The following TMEM50B variants were observed in gnomAD, a reference collection of about 807,000 sequenced individuals.
TMEM50B encodes HCV p7-trans-regulated protein 3.
In TMEM50B, 14 loss-of-function variants were observed where a neutral mutation model predicts 23.4. The observed-to-expected ratio is 0.60, with a 90% CI of 0.39 to 0.93. The LOEUF (loss-of-function observed/expected upper bound fraction) is 0.93, where lower values mean the gene tolerates loss of function less well. Among genes scored for constraint, TMEM50B ranks in the 40% least tolerant of loss-of-function variants. TMEM50B has a pLI of 0.00. For missense variants in TMEM50B, 159 were observed against 193.0 expected (o/e 0.82, Z 1.04); for synonymous variants, 64 against 62.3 (o/e 1.03, Z -0.13).
intron 7 of TMEM50B, among the ~76,000 whole-genome samples, chr21:33,439,544 T>C (rs978386636): frequency 6.6e-6 from 1 of 151,760 alleles, no homozygotes; most frequent in Non-Finnish European, 1.5e-5. Flanking sequence ...CACACCCAGC[T>C]AATTTTTGTA....
chr21:33,468,580 A>C, intron 2 of TMEM50B: 1 of 485,448 alleles, frequency 2.1e-6, no homozygotes, highest in Non-Finnish European at 3.6e-6. Context: ...AAGAAAAGAT[A>C]TTAAGTACAC....
At chr21:33,440,792 G>C (rs1331908275) in intron 7 of TMEM50B, among the ~76,000 whole-genome samples, 2 of 152,056 alleles carry the variant, frequency 1.3e-5, no homozygotes, top group Non-Finnish European at 2.9e-5. Context: ...TGAGGCAGGA[G>C]AATCACTTGA....
chr21:33,443,624 A>G (rs1274200807), intron 7 of TMEM50B, among the ~76,000 whole-genome samples: 1 of 152,200 alleles, frequency 6.6e-6, no homozygotes, highest in Admixed American at 6.5e-5. Context: ...TGCCACAGAA[A>G]AATAGTATTT....
chr21:33,452,428 G>C (rs911271512), intron 6 of TMEM50B, among the ~76,000 whole-genome samples: 7 of 152,084 alleles, frequency 4.6e-5, no homozygotes, highest in Admixed American at 3.9e-4. Flanking sequence ...ATACATAAGA[G>C]GAAACTACCC....
chr21:33,463,248 C>T (rs2084233610), intron 4 of TMEM50B, among the ~76,000 whole-genome samples: 1 of 152,332 alleles, frequency 6.6e-6, no homozygotes, highest in Admixed American at 6.5e-5. Context: ...GCTGAGATCG[C>T]ACCACTGTAC....
At chr21:33,460,667 TA>T (rs61466059) in intron 4 of TMEM50B, among the ~76,000 whole-genome samples, 162 bp from the exon 5 acceptor site, 8 of 148,540 alleles carry the variant, frequency 5.4e-5, no homozygotes, top group Non-Finnish European at 8.9e-5. Context: ...AATGATGATT[TA>T]AAAAAAAAAC....
chr21:33,464,801 T>A (rs982616652), intron 4 of TMEM50B, among the ~76,000 whole-genome samples: 1 of 42,542 alleles, frequency 2.4e-5, no homozygotes, highest in Non-Finnish European at 4.1e-5. Context: ...CTAAACTCCG[T>A]CTCAAAAAAA....
intron 2 of TMEM50B, chr21:33,468,454 A>G: frequency 4.9e-6 from 1 of 203,386 alleles, no homozygotes; most frequent in South Asian, 1.1e-4. Flanking sequence ...TCACAACAAT[A>G]ATTTTGGGTT....
chr21:33,432,766 G>A lies in TMEM50B; in HGVS notation c.*2157C>T, dbSNP rs1280277219. 6.8e-6 allele frequency: 11 copies of A among 1,614,040 alleles called. No homozygotes were observed. Among genetic ancestry groups the A allele is most frequent in the African/African-American group, 1.3e-5 (1 of 74,928 alleles). Reference sequence around the variant, plus strand: ...TGATCTCCGTGGGAACATTTTCGTTGCTGTCGGTGCTGGCAGGAGCCTGTT... The same window carrying A: ...TGATCTCCGTGGGAACATTTTCGTTACTGTCGGTGCTGGCAGGAGCCTGTT... On this transcript the variant is annotated 3_prime_UTR_variant and NMD_transcript_variant, in exon 9 of 9. Transcript: ENST00000420455.
Position 33,467,056 on chromosome 21 carries a change from G to C in TMEM50B, c.166C>G (p.His56Asp). The C allele has an allele frequency of 6.2e-7, 1 of 1,614,152 alleles. No individual in the cohort carries two copies. Among genetic ancestry groups the C allele is most frequent in the Non-Finnish European group, 8.5e-7 (1 of 1,180,016 alleles). Reference protein sequence around the residue: ...VVYPKPEQLNHAFHTCGVFST... With the variant: ...VVYPKPEQLNDAFHTCGVFST... ...AATACACCACATGTGTGAAAGGCATGGTTCAACTGTTCTGGCTTAGGATAC... is the reference window on the plus strand; with the variant it reads ...AATACACCACATGTGTGAAAGGCATCGTTCAACTGTTCTGGCTTAGGATAC... Residue 56 changes from histidine (H) to aspartate (D), a missense_variant, in exon 3 of 7, where the codon CAT becomes GAT. Physicochemically the swap from His to Asp is moderately conservative, Grantham distance 81. Transcript: ENST00000542230.
At chr21:33,457,420 T>C (rs2084179334) in intron 5 of TMEM50B, among the ~76,000 whole-genome samples, 1 of 151,506 alleles carries the variant, frequency 6.6e-6, no homozygotes, top group Admixed American at 6.6e-5. Flanking sequence ...GAGGCCAAGG[T>C]GGGTAGATCG....
At chr21:33,433,528 C>T (rs1425496607) in intron 8 of TMEM50B, among the ~76,000 whole-genome samples, 2 of 152,156 alleles carry the variant, frequency 1.3e-5, no homozygotes, top group Non-Finnish European at 2.9e-5. Flanking sequence ...AGGATACTGT[C>T]TGCTTCCACT....
chr21:33,444,873 G>A (rs896942365), downstream of TMEM50B, among the ~76,000 whole-genome samples: 17 of 150,804 alleles, frequency 1.1e-4, no homozygotes, highest in Non-Finnish European at 2.1e-4. Context: ...GTTCATACCT[G>A]TAATCCCAGC....
intron 1 of TMEM50B, among the ~76,000 whole-genome samples, chr21:33,472,154 C>CG (rs2084323682): frequency 6.6e-6 from 1 of 151,602 alleles, no homozygotes; most frequent in Non-Finnish European, 1.5e-5. Flanking sequence ...GAGGCCAAGG[C>CG]GGGGGGATCA....
intron 1 of TMEM50B, among the ~76,000 whole-genome samples, chr21:33,469,127 T>C (rs1411508680): frequency 1.3e-5 from 2 of 152,110 alleles, no homozygotes; most frequent in African/African-American, 4.8e-5. Context: ...AGCTTGCTAT[T>C]TGATAAATGA....
chr21:33,437,389 G>A (rs2083967484), intron 8 of TMEM50B: 2 of 180,166 alleles, frequency 1.1e-5, no homozygotes, highest in Non-Finnish European at 2.4e-5. Context: ...GGGACACCGA[G>A]TGGCCCTTCA....
chr21:33,442,075 T>C (rs1030182824), intron 7 of TMEM50B, among the ~76,000 whole-genome samples: 10 of 152,204 alleles, frequency 6.6e-5, no homozygotes, highest in African/African-American at 2.2e-4. Context: ...TTCCACACTA[T>C]GCAGTCACAT....
rs1472817372 is a variant in TMEM50B, at chr21:33,479,900, A to C, written c.-104T>G. 1 of 152,244 alleles carries C rather than the reference A, an allele frequency of 6.6e-6. No homozygotes were observed. The highest frequency in any genetic ancestry group is 1.5e-5 in the Non-Finnish European group (1 of 68,070). 9.4% of individuals were successfully genotyped at this position (152,244 alleles called of 1,614,324 possible). On this transcript the variant is annotated 5_prime_UTR_variant, in exon 1 of 7. Transcript: ENST00000542230. ...CGCGCAGGAAGGAGACTGCTGCGCC[A>C]CAACCCTGCCGGCGTCCCGCGGCTC...
Position 33,468,798 on chromosome 21 carries a change from C to T in TMEM50B, c.88G>A (p.Ala30Thr), listed in dbSNP as rs771687407. 30 of 1,613,546 alleles carry T rather than the reference C, an allele frequency of 1.9e-5. No homozygotes were observed. The highest frequency in any genetic ancestry group is 6.7e-5 in the East Asian group (3 of 44,878). Residue 30 changes from alanine (A) to threonine (T), a missense_variant, in exon 2 of 7, where the codon GCA becomes ACA. Transcript: ENST00000542230. ...TCTTTCTCACTTACCAATATACCTG[C>T]GACAACAGATGCCACAGCATTTCTT... The part of the protein sequence containing the change: ...ERRNAVASVV[A>T]GILFFTGWWI...
Sources: gnomAD v4.1 joint callset for allele counts (sites outside exome capture counted in the v4.1 genomes callset) on GRCh38, gnomAD v4.1.1 for gene constraint, MANE v1.5 for transcripts, NCBI Gene and HGNC (gene_info 2026-07-23, HGNC 2026-07-21) for gene names.